CNTNAP5: variants seen among roughly 807,000 people sequenced by gnomAD.
The protein encoded by CNTNAP5 is contactin-associated protein-like 5.
A neutral mutation model predicts 150.2 loss-of-function variants in CNTNAP5; 72 were observed. That is an observed-to-expected ratio of 0.48 (90% CI 0.40 to 0.58). The LOEUF (loss-of-function observed/expected upper bound fraction) is 0.58. CNTNAP5 is among the 20% of genes least tolerant of loss of function. The pLI, the probability that CNTNAP5 is intolerant of heterozygous loss-of-function variation, is 0.00. For synonymous variants in CNTNAP5, 672 were observed against 619.8 expected, an observed-to-expected ratio of 1.08 and a Z score of -1.25; for missense variants, 1,636 against 1,626.2, an observed-to-expected ratio of 1.01 and a Z score of -0.10.
chr2:124,282,533 T>C (rs528068594), intron 3 of CNTNAP5, among the ~76,000 whole-genome samples: 2 of 152,298 alleles, frequency 1.3e-5, no homozygotes, highest in East Asian at 1.9e-4. Context: ...CTCTCTGTAA[T>C]TGACAACAGC....
intron 13 of CNTNAP5, among the ~76,000 whole-genome samples, chr2:124,673,455 T>C (rs1019777283): frequency 1.3e-4 from 20 of 152,092 alleles, no homozygotes; most frequent in South Asian, 2.1e-4. Flanking sequence ...TTTTTTTTTT[T>C]CCCTAGCTCT....
At chr2:124,171,547 G>A (rs1474459662) in intron 1 of CNTNAP5, among the ~76,000 whole-genome samples, 1 of 152,182 alleles carries the variant, frequency 6.6e-6, no homozygotes, top group Non-Finnish European at 1.5e-5. Flanking sequence ...CCTGCGAGCT[G>A]AAGTCCTTGG....
intron 1 of CNTNAP5, among the ~76,000 whole-genome samples, chr2:124,026,864 C>T (rs1573700068): frequency 1.3e-5 from 2 of 152,356 alleles, no homozygotes; most frequent in East Asian, 1.9e-4. Flanking sequence ...TCACTCTCCA[C>T]CCAGTTAGGT....
chr2:124,708,034 T>C (rs1679729179), intron 13 of CNTNAP5, among the ~76,000 whole-genome samples: 1 of 152,212 alleles, frequency 6.6e-6, no homozygotes, highest in African/African-American at 2.4e-5. Flanking sequence ...ACCTACATGA[T>C]GGTGTTTTGT....
chr2:124,653,165 C>T (rs1254222834), intron 13 of CNTNAP5, among the ~76,000 whole-genome samples: 1 of 152,186 alleles, frequency 6.6e-6, no homozygotes, highest in Non-Finnish European at 1.5e-5. Context: ...TTAATTCATT[C>T]ATGCAGCTGA....
At chr2:124,194,076 T>G (rs945879982) in intron 1 of CNTNAP5, among the ~76,000 whole-genome samples, 6 of 152,072 alleles carry the variant, frequency 3.9e-5, no homozygotes, top group African/African-American at 1.4e-4. Flanking sequence ...TTCTCACTCA[T>G]CCTAGGCCTT....
chr2:124,510,549 A>G (rs993935543), intron 8 of CNTNAP5, among the ~76,000 whole-genome samples: 3 of 147,298 alleles, frequency 2.0e-5, no homozygotes, highest in South Asian at 4.4e-4. Context: ...ACACACACAC[A>G]CCAACATTCA....
intron 11 of CNTNAP5, among the ~76,000 whole-genome samples, chr2:124,565,574 C>CTTTTTTTT (rs776732335): frequency 2.9e-5 from 2 of 68,440 alleles, no homozygotes; most frequent in African/African-American, 1.2e-4. Context: ...TACCTAGATC[C>CTTTTTTTT]TTTTTTTTTT....
At chr2:124,854,930 C>T (rs1461317459) in intron 19 of CNTNAP5, among the ~76,000 whole-genome samples, 1 of 152,012 alleles carries the variant, frequency 6.6e-6, no homozygotes, top group East Asian at 1.9e-4. Flanking sequence ...GCTTGCCAGA[C>T]ATATTAGGAG....
At chr2:124,713,246 TTTC>T (rs1679852449) in intron 13 of CNTNAP5, among the ~76,000 whole-genome samples, 3 of 66,412 alleles carry the variant, frequency 4.5e-5, no homozygotes, top group Non-Finnish European at 1.0e-4. Flanking sequence ...TTTCTTTCTC[TTTC>T]TTTCTTTCTT....
chr2:124,659,491 C>T (rs1287099631), intron 13 of CNTNAP5, among the ~76,000 whole-genome samples: 1 of 152,182 alleles, frequency 6.6e-6, no homozygotes, highest in East Asian at 1.9e-4. Flanking sequence ...TTGGAGTAGC[C>T]ATCATCAGGA....
chr2:124,450,430 A>G (rs1045341892), intron 6 of CNTNAP5, among the ~76,000 whole-genome samples: 10 of 151,928 alleles, frequency 6.6e-5, no homozygotes, highest in African/African-American at 2.2e-4. Context: ...GGGGATATCA[A>G]TCAAGTGACA....
chr2:124,510,645 G>A (rs1694566204), intron 8 of CNTNAP5, among the ~76,000 whole-genome samples: 1 of 151,648 alleles, frequency 6.6e-6, no homozygotes, highest in South Asian at 2.1e-4. Flanking sequence ...TAAGGATGAA[G>A]GCTGCCAAGT....
chr2:124,557,472 G>A (rs975713147), intron 10 of CNTNAP5, among the ~76,000 whole-genome samples: 1 of 152,260 alleles, frequency 6.6e-6, no homozygotes, highest in African/African-American at 2.4e-5. Flanking sequence ...AGCTAACAGA[G>A]GGCTGCACCC....
rs1037863457 is a variant in CNTNAP5 at position 124,707,167 on chromosome 2, A to G, written c.2078-40062A>G. On this transcript the variant is annotated intron_variant, in intron 13 of 23. Transcript: ENST00000682447. ...AAGAAGAAGAAGAAGAAGAAGAAGA[A>G]GAAGAAGAAGAAGAAGAAGAAGAAG... 2.9e-3 allele frequency among the ~76,000 whole-genome samples: 421 copies of G among 143,966 alleles called. 17 individuals are homozygous for G. The highest frequency in any genetic ancestry group is 9.8e-3 in the African/African-American group (390 of 39,950). The allele number at this position is 143,966 out of a possible 152,430, so 94.4% of individuals were successfully genotyped here.
chr2:124,846,565 T>C (rs141211673), intron 19 of CNTNAP5, among the ~76,000 whole-genome samples: 10 of 152,334 alleles, frequency 6.6e-5, no homozygotes, highest in African/African-American at 2.2e-4. Flanking sequence ...TGAGTTCTTT[T>C]TGTGGCAATT....
At chr2:124,392,290 A>G (rs1396567733) in intron 3 of CNTNAP5, among the ~76,000 whole-genome samples, 4 of 152,190 alleles carry the variant, frequency 2.6e-5, no homozygotes, top group African/African-American at 9.7e-5. Flanking sequence ...TTACTCTGGT[A>G]TATGCTCAAC....
At chr2:124,360,942 A>G (rs1278330850) in intron 3 of CNTNAP5, among the ~76,000 whole-genome samples, 1 of 145,344 alleles carries the variant, frequency 6.9e-6, no homozygotes, top group Non-Finnish European at 1.5e-5. Context: ...ACTTTCAGGT[A>G]CACCAATCAG....
chr2:124,209,092 C>T (rs1394101368), intron 1 of CNTNAP5, among the ~76,000 whole-genome samples: 1 of 152,176 alleles, frequency 6.6e-6, no homozygotes, highest in Non-Finnish European at 1.5e-5. Flanking sequence ...CTGAGACCCA[C>T]CGCTGTGATG....
Sources: gnomAD v4.1 joint callset for allele counts (sites outside exome capture counted in the v4.1 genomes callset) on GRCh38, gnomAD v4.1.1 for gene constraint, MANE v1.5 for transcripts, NCBI Gene and HGNC (gene_info 2026-07-23, HGNC 2026-07-21) for gene names.